DIS3L2: variants seen among roughly 807,000 people sequenced by gnomAD.
The protein encoded by DIS3L2 is DIS3-like exonuclease 2.
In DIS3L2, 34 loss-of-function variants were observed where a neutral mutation model predicts 97.5. The ratio of observed to expected loss-of-function variants is 0.35; its 90% CI spans 0.27 to 0.46. DIS3L2 has a LOEUF of 0.46. DIS3L2 is among the 20% of genes least tolerant of loss of function. DIS3L2 has a pLI of 1.00. For missense variants in DIS3L2, 1,038 were observed against 1,146.0 expected, an observed-to-expected ratio of 0.91 and a Z score of 1.36; for synonymous variants, 435 against 445.2, an observed-to-expected ratio of 0.98 and a Z score of 0.29.
At chr2:232,030,896 G>T (rs1694787895) in intron 5 of DIS3L2, among the ~76,000 whole-genome samples, 1 of 151,736 alleles carries the variant, frequency 6.6e-6, no homozygotes, top group South Asian at 2.1e-4. Context: ...CATATCATTT[G>T]TTTTATTTGG....
At position 231,966,640 on chromosome 2, in the gene DIS3L2, CATTTTTTTTTTTTT is replaced by C. The variant is rs1171407510; in HGVS notation, c.-94+4876_-94+4889del. Among the ~76,000 whole-genome samples, 408 of 70,510 alleles carry C rather than the reference CATTTTTTTTTTTTT, an allele frequency of 5.8e-3. 3 individuals carry two copies. Among genetic ancestry groups the C allele is most frequent in the African/African-American group, 0.02 (383 of 19,136 alleles). 46.3% of individuals were successfully genotyped at this position (70,510 alleles called of 152,430 possible). On this transcript the variant is annotated intron_variant, in intron 1 of 20. Coordinates refer to ENST00000325385, the MANE Select transcript of DIS3L2 (RefSeq NM_152383.5). Reference sequence around the variant, plus strand: ...CCACCATGCCCAGCTAGTTAAAAAACATTTTTTTTTTTTTTTTTTTTTTTTTTTTTTTTTTGTGG... The same window carrying C: ...CCACCATGCCCAGCTAGTTAAAAAACTTTTTTTTTTTTTTTTTTTTTGTGG...
chr2:232,045,123 A>G (rs77885206), intron 5 of DIS3L2, among the ~76,000 whole-genome samples: 3,139 of 152,296 alleles, frequency 0.021, 96 homozygotes, highest in African/African-American at 0.071. Context: ...GGGCCAGGGA[A>G]TGCTTTCTGG....
intron 10 of DIS3L2, among the ~76,000 whole-genome samples, chr2:232,222,153 G>A (rs951908668): frequency 6.6e-6 from 1 of 152,108 alleles, no homozygotes; most frequent in African/African-American, 2.4e-5. Context: ...ATGTTGGTCA[G>A]GTTGGTCTGG....
Position 231,962,730 on chromosome 2 carries a change from C to T in DIS3L2, c.-94+965C>T, listed in dbSNP as rs550088162. The stretch of plus-strand genomic sequence containing the variant: ...GATTACAGGCGTGAGCCACCGCACC[C>T]GGCCGACTGTTCCCATGTTTATGTC... On this transcript the variant is annotated intron_variant, in intron 1 of 20. Transcript: ENST00000325385. Among the ~76,000 whole-genome samples, 56 of 152,268 alleles carry T rather than the reference C, an allele frequency of 3.7e-4. 1 individual carries two copies. The highest frequency in any genetic ancestry group is 1.2e-3 in the African/African-American group (50 of 41,570).
chr2:232,249,434 G>A, intron 12 of DIS3L2, 88 bp downstream of exon 12: 2 of 1,358,242 alleles, frequency 1.5e-6, no homozygotes, highest in South Asian at 2.5e-5. Flanking sequence ...GCACTGGCTT[G>A]GGTGCCATGG....
intron 6 of DIS3L2, among the ~76,000 whole-genome samples, chr2:232,125,849 A>G (rs1452547876): frequency 6.6e-6 from 1 of 152,132 alleles, no homozygotes; most frequent in Non-Finnish European, 1.5e-5. Context: ...CCCTGTGAGG[A>G]CTTGTGTTTT....
At chr2:232,084,842 T>C (rs550395098) in intron 5 of DIS3L2, among the ~76,000 whole-genome samples, 1 of 151,968 alleles carries the variant, frequency 6.6e-6, no homozygotes, top group South Asian at 2.1e-4. Flanking sequence ...TATTACTATA[T>C]TTTTATGGAG....
Position 232,224,908 on chromosome 2 carries a change from A to C in DIS3L2, c.1205-13625A>C, listed in dbSNP as rs570573463. On this transcript the variant is annotated intron_variant, in intron 10 of 20. Transcript: ENST00000325385. ...CAGAGTGGGAGAAGATATTTGTAAT[A>C]CATATATCCAGCATATGACTCTTAC... 2.0e-5 allele frequency among the ~76,000 whole-genome samples: 3 copies of C among 152,206 alleles called. No individual in the cohort carries two copies. The South Asian group carries it at 6.2e-4, about 32-fold the overall frequency.
At chr2:232,340,771 C>A, downstream of DIS3L2, 1 of 471,314 alleles carries the variant, frequency 2.1e-6, no homozygotes, top group Non-Finnish European at 4.4e-6. Context: ...GAGACCCAGC[C>A]AGGCCACCCT....
At chr2:231,996,411 A>T (rs1693732553) in intron 1 of DIS3L2, among the ~76,000 whole-genome samples, 1 of 152,174 alleles carries the variant, frequency 6.6e-6, no homozygotes. Flanking sequence ...ATCTCAGGTG[A>T]GGTCATCAGA....
At chr2:232,287,640 A>G (rs1348868921) in intron 13 of DIS3L2, among the ~76,000 whole-genome samples, 1 of 151,782 alleles carries the variant, frequency 6.6e-6, no homozygotes, top group Non-Finnish European at 1.5e-5. Context: ...CAGTCCTTCC[A>G]TCTCAGCTCC....
chr2:232,279,809 A>G (rs1424922642), intron 13 of DIS3L2, among the ~76,000 whole-genome samples: 3 of 152,174 alleles, frequency 2.0e-5, no homozygotes, highest in African/African-American at 7.2e-5. Context: ...GATTACAGGC[A>G]TGAACTACCA....
At chr2:231,990,160 A>C (rs1693542808) in intron 1 of DIS3L2, among the ~76,000 whole-genome samples, 1 of 150,342 alleles carries the variant, frequency 6.7e-6, no homozygotes, top group African/African-American at 2.4e-5. Flanking sequence ...ATACCTTCCC[A>C]TGCTTCTTTA....
rs192359692 is a variant in DIS3L2, at chr2:232,003,826, A to G, written c.-93-11009A>G. Among the ~76,000 whole-genome samples the G allele has an allele frequency of 3.9e-3, 597 of 152,242 alleles. 3 individuals are homozygous for G. The highest frequency in any genetic ancestry group is 0.014 in the African/African-American group (566 of 41,536). On this transcript the variant is annotated intron_variant, in intron 1 of 20. Transcript: ENST00000325385. ...AAAATAAGGAATCTGCTGCCATTCA[A>G]AATGTTGTTCTGTTTGAGGTATTTC...
intron 6 of DIS3L2, among the ~76,000 whole-genome samples, chr2:232,088,362 C>A (rs1051826390): frequency 3.7e-5 from 5 of 134,526 alleles, no homozygotes; most frequent in African/African-American, 1.4e-4. Flanking sequence ...CTGGCTAACA[C>A]GTTGAAAGCC....
At chr2:232,301,621 G>C (rs1387291562) in intron 14 of DIS3L2, among the ~76,000 whole-genome samples, 2 of 152,152 alleles carry the variant, frequency 1.3e-5, no homozygotes, top group Non-Finnish European at 2.9e-5. Context: ...AGTAACTGGT[G>C]TGTACCCCTA....
At chr2:232,219,465 T>C (rs1444206729) in intron 10 of DIS3L2, among the ~76,000 whole-genome samples, 1 of 152,200 alleles carries the variant, frequency 6.6e-6, no homozygotes, top group African/African-American at 2.4e-5. Context: ...TTTTGTGGGT[T>C]GCCTGTGGGT....
intron 5 of DIS3L2, among the ~76,000 whole-genome samples, chr2:232,036,926 C>G (rs887777513): frequency 1.3e-5 from 2 of 152,164 alleles, no homozygotes; most frequent in Non-Finnish European, 1.5e-5. Context: ...CGCCAGATGC[C>G]AGCTGGAGCT....
chr2:232,013,467 C>G (rs1162819081), intron 1 of DIS3L2, among the ~76,000 whole-genome samples: 1 of 152,192 alleles, frequency 6.6e-6, no homozygotes, highest in African/African-American at 2.4e-5. Flanking sequence ...GAGAACTCGC[C>G]TGTATTTTCT....
Sources: gnomAD v4.1 joint callset for allele counts (sites outside exome capture counted in the v4.1 genomes callset) on GRCh38, gnomAD v4.1.1 for gene constraint, MANE v1.5 for transcripts, NCBI Gene and HGNC (gene_info 2026-07-23, HGNC 2026-07-21) for gene names.